The following STK3 variants were observed in gnomAD, a reference collection of about 807,000 sequenced individuals.
The protein encoded by STK3 is serine/threonine-protein kinase 3.
STK3 carries 41 observed loss-of-function variants against 58.0 expected under a neutral mutation model. The observed-to-expected ratio is 0.71, with a 90% CI of 0.55 to 0.92. The LOEUF (loss-of-function observed/expected upper bound fraction) is 0.92, where lower values mean the gene tolerates loss of function less well. Among genes scored for constraint, STK3 ranks in the 40% least tolerant of loss-of-function variants. STK3 has a pLI of 0.00. For missense variants in STK3, 479 were observed against 602.7 expected, an observed-to-expected ratio of 0.79 and a Z score of 2.15; for synonymous variants, 170 against 191.0, an observed-to-expected ratio of 0.89 and a Z score of 0.91.
At chr8:98,431,062 G>T (rs900041155) in intron 3 of STK3, 16 of 167,106 alleles carry the variant, frequency 9.6e-5, no homozygotes, top group Admixed American at 2.6e-4. Flanking sequence ...GAACCCAGGG[G>T]TCTGAGCATG....
chr8:98,579,023 C>T (rs769157246), intron 8 of STK3, among the ~76,000 whole-genome samples: 4 of 151,878 alleles, frequency 2.6e-5, no homozygotes, highest in Non-Finnish European at 4.4e-5. Flanking sequence ...TGGTAGTGTG[C>T]GCCTGTAGTC....
chr8:98,670,852 T>C (rs1471674386), intron 6 of STK3, among the ~76,000 whole-genome samples: 1 of 152,144 alleles, frequency 6.6e-6, no homozygotes, highest in Non-Finnish European at 1.5e-5. Context: ...TCTGTCCTCA[T>C]CACCCTTCAA....
At chr8:98,535,876 G>C (rs947412267) in intron 9 of STK3, among the ~76,000 whole-genome samples, 1 of 152,120 alleles carries the variant, frequency 6.6e-6, no homozygotes, top group Admixed American at 6.5e-5. Context: ...GATGGGCTGA[G>C]CAGGCATTTC....
At chr8:98,433,917 G>A (rs749053383) in intron 3 of STK3, among the ~76,000 whole-genome samples, 1 of 152,090 alleles carries the variant, frequency 6.6e-6, no homozygotes, top group Non-Finnish European at 1.5e-5. Flanking sequence ...CTATGTACAC[G>A]GAATCCAGAT....
At chr8:98,531,539 T>C (rs1315891455) in intron 9 of STK3, among the ~76,000 whole-genome samples, 1 of 152,190 alleles carries the variant, frequency 6.6e-6, no homozygotes, top group Non-Finnish European at 1.5e-5. Context: ...GCATAATTTT[T>C]AAGGGCCCTA....
intron 1 of STK3, among the ~76,000 whole-genome samples, chr8:98,926,545 A>G (rs773392561): frequency 2.6e-5 from 4 of 152,200 alleles, no homozygotes; most frequent in Non-Finnish European, 5.9e-5. Flanking sequence ...AAGTAAAACA[A>G]TACACACACA....
At chr8:98,467,773 C>CA (rs35168876) in intron 10 of STK3, among the ~76,000 whole-genome samples, 2 of 152,044 alleles carry the variant, frequency 1.3e-5, no homozygotes, top group East Asian at 1.9e-4. Flanking sequence ...TGGCTTCTCT[C>CA]AAAAAATTCT....
At chr8:98,353,624 AC>A in the STK3 span, among the ~76,000 whole-genome samples, 3 of 152,210 alleles carry the variant, frequency 2.0e-5, no homozygotes, top group African/African-American at 7.2e-5. Flanking sequence ...GAAATCTGAA[AC>A]CCTTCTGGTC....
intron 6 of STK3, among the ~76,000 whole-genome samples, chr8:98,611,445 T>C (rs893943337): frequency 6.6e-6 from 1 of 151,974 alleles, no homozygotes; most frequent in Non-Finnish European, 1.5e-5. Context: ...AAATAGTAAG[T>C]TTTAGAAAGA....
intron 1 of STK3, among the ~76,000 whole-genome samples, chr8:98,938,544 GA>G (rs1472501238): frequency 6.6e-6 from 1 of 152,228 alleles, no homozygotes; most frequent in Admixed American, 6.5e-5. Flanking sequence ...GAGCTAGGCA[GA>G]TTGAGGCAGC....
intron 2 of STK3, among the ~76,000 whole-genome samples, chr8:98,374,742 A>G (rs6988708): frequency 0.19 from 28,449 of 152,144 alleles, 2,786 homozygotes; most frequent in East Asian, 0.33. Context: ...GGATATATTA[A>G]GTAAAATAAG....
intron 3 of STK3, among the ~76,000 whole-genome samples, chr8:98,851,019 A>G (rs1369417517): frequency 6.6e-6 from 1 of 152,160 alleles, no homozygotes; most frequent in Non-Finnish European, 1.5e-5. Context: ...CTCACCTGGC[A>G]TCTCCTAGGA....
At chr8:98,596,005 C>T (rs1815795939) in intron 7 of STK3, 27 bp downstream of exon 7, 2 of 1,599,630 alleles carry the variant, frequency 1.3e-6, no homozygotes, top group Non-Finnish European at 1.7e-6. Context: ...AAGAAAATAT[C>T]CTTCCCTTCG....
At chr8:98,453,519 T>C (rs1819298297), downstream of STK3, among the ~76,000 whole-genome samples, 1 of 152,244 alleles carries the variant, frequency 6.6e-6, no homozygotes, top group Non-Finnish European at 1.5e-5. Flanking sequence ...CCTAGGGCTC[T>C]AAAATAAAAC....
chr8:98,471,040 G>T (rs181447792), intron 10 of STK3, among the ~76,000 whole-genome samples: 1 of 152,184 alleles, frequency 6.6e-6, no homozygotes, highest in South Asian at 2.1e-4. Context: ...GGGTAAGGGT[G>T]AATGAAGTTA....
chr8:98,346,833 C>G, the STK3 span, among the ~76,000 whole-genome samples: 3 of 151,456 alleles, frequency 2.0e-5, no homozygotes, highest in Non-Finnish European at 2.9e-5. Flanking sequence ...AAAAAAGATA[C>G]CACATATAGA....
intron 1 of STK3, among the ~76,000 whole-genome samples, chr8:98,940,290 C>T (rs922268907): frequency 1.3e-5 from 2 of 152,202 alleles, no homozygotes; most frequent in Middle Eastern, 3.2e-3. Context: ...CTGACGGTGG[C>T]CTGGGTGGCC....
intron 9 of STK3, among the ~76,000 whole-genome samples, chr8:98,546,129 A>G (rs1810679223): frequency 6.6e-6 from 1 of 152,200 alleles, no homozygotes; most frequent in Non-Finnish European, 1.5e-5. Flanking sequence ...TATAAAAACC[A>G]CTTATCTGTT....
intron 1 of STK3, among the ~76,000 whole-genome samples, chr8:98,823,255 T>C (rs1022125638): frequency 1.3e-5 from 2 of 152,206 alleles, no homozygotes; most frequent in African/African-American, 4.8e-5. Flanking sequence ...CAGCAGCTTC[T>C]AGTCATACTT....
Sources: gnomAD v4.1 joint callset for allele counts (sites outside exome capture counted in the v4.1 genomes callset) on GRCh38, gnomAD v4.1.1 for gene constraint, MANE v1.5 for transcripts, NCBI Gene and HGNC (gene_info 2026-07-23, HGNC 2026-07-21) for gene names.